NAMPT: variants seen among roughly 807,000 people sequenced by gnomAD.
NAMPT encodes the protein nicotinamide phosphoribosyltransferase.
In NAMPT, 7 loss-of-function variants were observed where a neutral mutation model predicts 58.7. The ratio of observed to expected loss-of-function variants is 0.12; its 90% CI spans 0.07 to 0.22. The LOEUF (loss-of-function observed/expected upper bound fraction) is 0.22, where lower values mean the gene tolerates loss of function less well. Ranked by LOEUF, NAMPT falls within the 10% of genes least tolerant of loss-of-function variation. The pLI, the probability that NAMPT is intolerant of heterozygous loss-of-function variation, is 1.00. For synonymous variants in NAMPT, 145 were observed against 198.1 expected (o/e 0.73, Z 2.25); for missense variants, 271 against 567.9 (o/e 0.48, Z 5.31).
intron 8 of NAMPT, among the ~76,000 whole-genome samples, chr7:106,255,250 C>A (rs985055515): frequency 2.0e-5 from 3 of 152,172 alleles, no homozygotes; most frequent in African/African-American, 7.2e-5. Context: ...ATTTCTTTCA[C>A]CAAAGTCAAG....
chr7:106,272,052 GT>G, intron 4 of NAMPT: 1 of 354,458 alleles, frequency 2.8e-6, no homozygotes, highest in Non-Finnish European at 5.7e-6. Context: ...AGCAGATCTT[GT>G]TTTATTTAGA....
At chr7:106,261,279 A>G (rs1792296591) in intron 8 of NAMPT, among the ~76,000 whole-genome samples, 1 of 152,188 alleles carries the variant, frequency 6.6e-6, no homozygotes, top group South Asian at 2.1e-4. Flanking sequence ...CTATGCCAGC[A>G]GAGTCAAGGC....
intron 4 of NAMPT, 116 bp downstream of exon 4, chr7:106,272,414 G>T: frequency 2.2e-6 from 2 of 904,476 alleles, no homozygotes; most frequent in Non-Finnish European, 3.2e-6. Context: ...GCCTGGAAAG[G>T]TTAAGTAAAT....
rs753922119 is a variant in NAMPT at position 106,253,182 on chromosome 7, T to G, written c.1231-31A>C. 18 of 1,604,704 alleles carry G rather than the reference T, an allele frequency of 1.1e-5. 1 individual carries two copies. In the South Asian group the frequency reaches 1.8e-4, roughly 16 times the overall value. ...ATCCAAATTAAGAAAGTTAGACAAGTAGAAGACTAATCATCAGAAATGTCT... is the reference window on the plus strand; with the variant it reads ...ATCCAAATTAAGAAAGTTAGACAAGGAGAAGACTAATCATCAGAAATGTCT... On this transcript the variant is annotated intron_variant, in intron 9 of 10. Coordinates refer to ENST00000222553, the MANE Select transcript of NAMPT (RefSeq NM_005746.3).
chr7:106,251,924 AG>A (rs1181646180), intron 10 of NAMPT, among the ~76,000 whole-genome samples: 2 of 152,108 alleles, frequency 1.3e-5, no homozygotes, highest in African/African-American at 4.8e-5. Flanking sequence ...AATCCACAGA[AG>A]TAATCTCAAT....
chr7:106,276,712 CAT>C, intron 2 of NAMPT: 5 of 253,838 alleles, frequency 2.0e-5, no homozygotes, highest in South Asian at 1.3e-4. Flanking sequence ...TGTGGTGGTG[CAT>C]GCCTGTAATC....
At chr7:106,262,129 T>C (rs188772085) in intron 7 of NAMPT, among the ~76,000 whole-genome samples, 10 of 152,210 alleles carry the variant, frequency 6.6e-5, no homozygotes, top group African/African-American at 1.9e-4. Context: ...GTCTGATATA[T>C]AACTCCAATA....
At chr7:106,253,295 C>A in intron 9 of NAMPT, 144 bp from the exon 10 acceptor site, 1 of 763,758 alleles carries the variant, frequency 1.3e-6, no homozygotes, top group Non-Finnish European at 2.1e-6. Flanking sequence ...CCACATCTGG[C>A]TTTCAGAAAC....
rs1314764345 is a variant in NAMPT at position 106,248,452 on chromosome 7, G to A, written c.*2631C>T. 6.6e-6 allele frequency: 1 copy of A among 152,500 alleles called. No homozygotes were observed. The highest frequency in any genetic ancestry group is 1.5e-5 in the Non-Finnish European group (1 of 67,994). 9.4% of individuals were successfully genotyped at this position (152,500 alleles called of 1,614,324 possible). A position where few individuals can be genotyped will look rare whatever the true frequency, so the allele number is the denominator to read the frequency against. ...ATGTAAAACTACAAAATACTTAAGT[G>A]TGAGTTCTAAATTATGGCAAACAGA... On this transcript the variant is annotated 3_prime_UTR_variant, in exon 11 of 11. Coordinates refer to ENST00000222553, the MANE Select transcript of NAMPT (RefSeq NM_005746.3).
At chr7:106,268,434 T>TAGTTTTAA (rs1275014771) in intron 6 of NAMPT, 30 bp downstream of exon 6, 7 of 1,589,302 alleles carry the variant, frequency 4.4e-6, no homozygotes, top group Non-Finnish European at 6.0e-6. Flanking sequence ...AAAAAATTAG[T>TAGTTTTAA]AGTTTTAAAA....
upstream of NAMPT, chr7:106,285,107 G>T: frequency 7.5e-7 from 1 of 1,341,376 alleles, no homozygotes; most frequent in Non-Finnish European, 9.6e-7. Flanking sequence ...CTCGCAGTCT[G>T]GGAGCTCTGG....
At chr7:106,284,532 C>A in intron 1 of NAMPT, 1 of 158,734 alleles carries the variant, frequency 6.3e-6, no homozygotes, top group South Asian at 1.7e-4. Flanking sequence ...AGCACCGGCG[C>A]CCGGGAGTCC....
intron 1 of NAMPT, among the ~76,000 whole-genome samples, chr7:106,284,140 C>A (rs1792817295): frequency 6.6e-6 from 1 of 152,188 alleles, no homozygotes; most frequent in Admixed American, 6.5e-5. Flanking sequence ...CAGATAAGAG[C>A]AGAGCGGCCT....
upstream of NAMPT, chr7:106,284,995 G>A (rs1399474803): frequency 1.2e-5 from 18 of 1,465,190 alleles, no homozygotes; most frequent in Non-Finnish European, 1.6e-5. Flanking sequence ...CTCGGTCGGC[G>A]GAGGAGGGGG....
At chr7:106,281,626 C>G (rs375166525) in intron 1 of NAMPT, among the ~76,000 whole-genome samples, 29 of 152,296 alleles carry the variant, frequency 1.9e-4, no homozygotes, top group African/African-American at 6.5e-4. Context: ...CAGCAAAAAC[C>G]ATAACCGATT....
intron 8 of NAMPT, among the ~76,000 whole-genome samples, chr7:106,258,463 C>G (rs1396796114): frequency 6.6e-6 from 1 of 152,100 alleles, no homozygotes. Context: ...TGCAAATGGC[C>G]TACATTATGT....
At chr7:106,254,118 T>C (rs1792152865) in intron 9 of NAMPT, among the ~76,000 whole-genome samples, 1 of 152,174 alleles carries the variant, frequency 6.6e-6, no homozygotes, top group Non-Finnish European at 1.5e-5. Flanking sequence ...ATGACTGACC[T>C]GTATTATCTC....
At chr7:106,253,781 CAAAG>C (rs924098956) in intron 9 of NAMPT, among the ~76,000 whole-genome samples, 4 of 152,038 alleles carry the variant, frequency 2.6e-5, no homozygotes, top group African/African-American at 9.7e-5. Context: ...CAGAACTTTC[CAAAG>C]AAAGATCAAA....
chr7:106,276,490 A>C (rs536663201), intron 2 of NAMPT: 226 of 152,840 alleles, frequency 1.5e-3, no homozygotes, highest in Non-Finnish European at 2.5e-3. Flanking sequence ...ATTAATGACT[A>C]AAGTATAACA....
Sources: gnomAD v4.1 joint callset for allele counts (sites outside exome capture counted in the v4.1 genomes callset) on GRCh38, gnomAD v4.1.1 for gene constraint, MANE v1.5 for transcripts, NCBI Gene and HGNC (gene_info 2026-07-23, HGNC 2026-07-21) for gene names.